Variants in DAB1 observed in about 807,000 individuals in gnomAD.
DAB1 encodes disabled homolog 1.
Under a neutral mutation model 64.6 loss-of-function variants are expected in DAB1, and 15 were observed. The observed-to-expected ratio is 0.23, with a 90% CI of 0.16 to 0.36. The LOEUF (loss-of-function observed/expected upper bound fraction) is 0.36. Among genes scored for constraint, DAB1 ranks in the 10% least tolerant of loss-of-function variants. The pLI is 1.00. For missense variants in DAB1, 596 were observed against 706.7 expected, an observed-to-expected ratio of 0.84 and a Z score of 1.78; for synonymous variants, 235 against 251.9, an observed-to-expected ratio of 0.93 and a Z score of 0.64.
chr1:57,720,908 T>A (rs1647142672), intron 6 of DAB1, among the ~76,000 whole-genome samples: 1 of 152,222 alleles, frequency 6.6e-6, no homozygotes, highest in African/African-American at 2.4e-5. Flanking sequence ...ACACCTTGTA[T>A]CACTTGCACT....
intron 7 of DAB1, among the ~76,000 whole-genome samples, chr1:57,530,944 T>G (rs374934164): frequency 5.9e-5 from 9 of 152,146 alleles, no homozygotes; most frequent in African/African-American, 1.9e-4. Flanking sequence ...GAGCAGAGAA[T>G]CTTTTGTTGG....
rs1651485640 is a variant in DAB1 at position 57,071,712 on chromosome 1, G to A, written c.439-71C>T. 8.8e-6 allele frequency: 13 copies of A among 1,479,530 alleles called. No homozygotes were observed. The South Asian group carries it at 8.8e-5, about 10-fold the overall frequency. 91.7% of individuals were successfully genotyped at this position (1,479,530 alleles called of 1,614,324 possible). A position where few individuals can be genotyped will look rare whatever the true frequency, so the allele number is the denominator to read the frequency against. On this transcript the variant is annotated intron_variant, in intron 5 of 14. Coordinates refer to ENST00000371236, the MANE Select transcript of DAB1 (RefSeq NM_001365792.1). ...GACGCAGCAACAAATTTTTGTTTTTGCGGCGACAACCCGCAGCCCTTCCTT... is the reference window on the plus strand; with the variant it reads ...GACGCAGCAACAAATTTTTGTTTTTACGGCGACAACCCGCAGCCCTTCCTT...
chr1:57,528,661 C>CACATACACACACACACACACACAT (rs58711371), intron 7 of DAB1, among the ~76,000 whole-genome samples: 1 of 150,050 alleles, frequency 6.7e-6, no homozygotes, highest in East Asian at 2.0e-4. Context: ...CACACACACA[C>CACATACACACACACACACACACAT]ACACACACAC....
chr1:58,460,350 A>G (rs1645231793), intron 3 of DAB1, among the ~76,000 whole-genome samples: 1 of 152,198 alleles, frequency 6.6e-6, no homozygotes, highest in Non-Finnish European at 1.5e-5. Context: ...TCTGTATTTC[A>G]ATAGGATATG....
chr1:58,428,911 T>C (rs989997454), intron 3 of DAB1, among the ~76,000 whole-genome samples: 1 of 151,806 alleles, frequency 6.6e-6, no homozygotes, highest in Non-Finnish European at 1.5e-5. Flanking sequence ...TGTAAAGGAG[T>C]CCCCTATGGG....
At chr1:58,273,996 T>A (rs1255047240) in intron 4 of DAB1, among the ~76,000 whole-genome samples, 1 of 110,960 alleles carries the variant, frequency 9.0e-6, no homozygotes, top group African/African-American at 3.4e-5. Flanking sequence ...GTCTGAAGCC[T>A]TCTTCTCTCA....
At chr1:57,486,398 CAA>C (rs1458167174) in intron 7 of DAB1, among the ~76,000 whole-genome samples, 2 of 152,170 alleles carry the variant, frequency 1.3e-5, no homozygotes, top group Non-Finnish European at 2.9e-5. Context: ...GGAAATACAG[CAA>C]AGTGCTGTCC....
chr1:57,950,825 T>C (rs1645261950), intron 5 of DAB1, among the ~76,000 whole-genome samples: 2 of 152,172 alleles, frequency 1.3e-5, no homozygotes, highest in African/African-American at 2.4e-5. Context: ...AAAAACCTGA[T>C]GGCACTACTG....
At position 58,187,939 on chromosome 1, in the gene DAB1, C is replaced by G. The variant is rs1222550049; in HGVS notation, n.310-37351G>C. On this transcript the variant is annotated intron_variant and non_coding_transcript_variant, in intron 4 of 20. Coordinates refer to the DAB1 transcript ENST00000485760. Reference sequence around the variant, plus strand: ...TTTTTTTTTTCTTGAGACAGAGTCTCGCTCTTACACCCAGGCTGGAGTGCA... The same window carrying G: ...TTTTTTTTTTCTTGAGACAGAGTCTGGCTCTTACACCCAGGCTGGAGTGCA... 2.9e-5 allele frequency among the ~76,000 whole-genome samples: 4 copies of G among 137,590 alleles called. No homozygotes were observed. The Admixed American group carries it at 3.0e-4, about 10-fold the overall frequency. The allele number at this position is 137,590 out of a possible 152,430, so 90.3% of individuals were successfully genotyped here. A position where few individuals can be genotyped will look rare whatever the true frequency, so the allele number is the denominator to read the frequency against.
chr1:57,284,904 A>G (rs905278364), intron 2 of DAB1, among the ~76,000 whole-genome samples: 27 of 152,196 alleles, frequency 1.8e-4, no homozygotes, highest in African/African-American at 6.0e-4. Context: ...TGCGAGTTAC[A>G]GAAGGTTCAC....
intron 1 of DAB1, among the ~76,000 whole-genome samples, chr1:58,538,637 CTT>C (rs1339537784): frequency 2.0e-5 from 3 of 152,116 alleles, no homozygotes; most frequent in African/African-American, 7.2e-5. Context: ...AGAAACTTCA[CTT>C]TGAGCTAAAT....
chr1:58,006,371 T>C (rs866248430), intron 5 of DAB1, among the ~76,000 whole-genome samples: 1 of 152,182 alleles, frequency 6.6e-6, no homozygotes, highest in Non-Finnish European at 1.5e-5. Context: ...GGATTAAATA[T>C]GCTTGACATC....
intron 6 of DAB1, among the ~76,000 whole-genome samples, chr1:57,682,675 G>T (rs1397030363): frequency 6.6e-6 from 1 of 152,038 alleles, no homozygotes; most frequent in African/African-American, 2.4e-5. Context: ...AACTGGCAAG[G>T]GGCTTTGCCC....
At chr1:57,924,673 T>C in intron 5 of DAB1, among the ~76,000 whole-genome samples, 1 of 150,500 alleles carries the variant, frequency 6.6e-6, no homozygotes, top group Admixed American at 6.6e-5. Flanking sequence ...TTTACTATGT[T>C]GGCCAGGCTG....
intron 7 of DAB1, among the ~76,000 whole-genome samples, chr1:57,448,594 T>A (rs1241715286): frequency 6.6e-6 from 1 of 152,256 alleles, no homozygotes. Flanking sequence ...ATATTTGTTA[T>A]GCATCTGTTA....
intron 6 of DAB1, among the ~76,000 whole-genome samples, chr1:57,815,753 T>C (rs852754): frequency 0.31 from 47,155 of 151,918 alleles, 8,657 homozygotes; most frequent in Admixed American, 0.46. Flanking sequence ...GTCAGCATGC[T>C]ACCTGCTTGA....
At chr1:57,799,878 G>C (rs1045844167) in intron 6 of DAB1, among the ~76,000 whole-genome samples, 5 of 152,094 alleles carry the variant, frequency 3.3e-5, no homozygotes, top group African/African-American at 9.7e-5. Context: ...TTTGCTTCAA[G>C]GGCAGAAATG....
At chr1:57,662,476 G>A (rs1027024635) in intron 6 of DAB1, among the ~76,000 whole-genome samples, 3 of 152,158 alleles carry the variant, frequency 2.0e-5, no homozygotes, top group Non-Finnish European at 2.9e-5. Flanking sequence ...GATTACAGGC[G>A]TGAGCCACCA....
downstream of DAB1, among the ~76,000 whole-genome samples, chr1:57,823,855 C>T (rs149601243): frequency 7.9e-5 from 12 of 152,260 alleles, no homozygotes; most frequent in East Asian, 1.4e-3. Flanking sequence ...GACTCAAAGA[C>T]GTCAAACTTG....
Sources: gnomAD v4.1 joint callset for allele counts (sites outside exome capture counted in the v4.1 genomes callset) on GRCh38, gnomAD v4.1.1 for gene constraint, MANE v1.5 for transcripts, NCBI Gene and HGNC (gene_info 2026-07-23, HGNC 2026-07-21) for gene names.